Variants in MELTF observed in about 807,000 individuals in gnomAD.
MELTF encodes the protein antigen p97 (melanoma associated) identified by monoclonal antibodies 133.2 and 96.5.
A neutral mutation model predicts 83.7 loss-of-function variants in MELTF; 67 were observed. That is an observed-to-expected ratio of 0.80 (90% confidence interval 0.66 to 0.98). The LOEUF (loss-of-function observed/expected upper bound fraction) is 0.98. Among genes scored for constraint, MELTF ranks in the 50% least tolerant of loss-of-function variants. MELTF has a pLI of 0.00. For synonymous variants in MELTF, 462 were observed against 447.6 expected (o/e 1.03, Z -0.41); for missense variants, 1,002 against 1,035.6 (o/e 0.97, Z 0.44).
rs1179035053 is a variant in MELTF, at chr3:197,003,801, C to T, written c.2137+100G>A. ...CTGGACTGCTGCGAACGGGCCTCCA[C>T]CCGCCTCCCCGGACCCGCAGCGCCC... On this transcript the variant is annotated intron_variant, in intron 15 of 15. Coordinates refer to ENST00000296350, the MANE Select transcript of MELTF (RefSeq NM_005929.6). The surrounding 1 kb of genome is among the most constrained non-coding windows in gnomAD (Gnocchi z 6.2). 9.0e-6 allele frequency: 12 copies of T among 1,331,416 alleles called. No homozygotes were observed. Among genetic ancestry groups the T allele is most frequent in the Non-Finnish European group, 1.2e-5 (12 of 968,828 alleles). 82.5% of individuals were successfully genotyped at this position (1,331,416 alleles called of 1,614,324 possible).
chr3:197,029,526 C>T lies in MELTF; in HGVS notation c.49+128G>A, dbSNP rs1720000752. On this transcript the variant is annotated intron_variant, in intron 1 of 15. Coordinates refer to ENST00000296350, the MANE Select transcript of MELTF (RefSeq NM_005929.6). This position sits in a 1 kb window ranked among gnomAD's most constrained non-coding sequence, Gnocchi z 6.5. ...CGCCGTCCTCACTCGACCCCGAGCC[C>T]CTGCCTCCCCCGTCTCACTGCCCCG... 7.1e-6 allele frequency: 5 copies of T among 701,086 alleles called. No individual in the cohort carries two copies. In the South Asian group the frequency reaches 2.9e-4, roughly 41 times the overall value. 43.4% of individuals were successfully genotyped at this position (701,086 alleles called of 1,614,324 possible).
Position 197,011,630 on chromosome 3 carries a change from G to T in MELTF, c.1234-836C>A, listed in dbSNP as rs75106360. ...GGGCCAGGAGGGTGCACAGCTCGGG[G>T]CCCTTTTTCCACCACTCAGACCTCC... On this transcript the variant is annotated intron_variant, in intron 9 of 15. Transcript: ENST00000296350. This position sits in a 1 kb window ranked among gnomAD's most constrained non-coding sequence, Gnocchi z 4.2. Among the ~76,000 whole-genome samples the T allele has an allele frequency of 0.032, 4,905 of 152,204 alleles. 149 individuals carry two copies. The highest frequency in any genetic ancestry group is 0.073 in the African/African-American group (3,019 of 41,514).
chr3:197,019,480 G>GTCA lies in MELTF; in HGVS notation c.712+1921_712+1923dup, dbSNP rs765293666. 103 of 1,472,948 alleles carry GTCA rather than the reference G, an allele frequency of 7.0e-5. 1 individual carries two copies. In the South Asian group the frequency reaches 1.1e-3, roughly 16 times the overall value. The allele number at this position is 1,472,948 out of a possible 1,614,324, so 91.2% of individuals were successfully genotyped here. On this transcript the variant is annotated intron_variant, in intron 6 of 15. Transcript: ENST00000296350. The stretch of plus-strand genomic sequence containing the variant: ...TGAAAAAGCTGCCAGGTGCACGCCT[G>GTCA]TCATCCCAGCTACTCAGGAGGCTGA...
In MELTF at chr3:197,024,331, G is replaced by A. The variant is rs75604388; in HGVS notation, c.459C>T (p.Leu153=). ...PVGYLVESGR[L]SVMGCDVLKA... ...TGAGTACATCGCAGCCCATCACCGAGAGGCGGCCGCTCTCCACCAGGTAGC... is the reference window on the plus strand; with the variant it reads ...TGAGTACATCGCAGCCCATCACCGAAAGGCGGCCGCTCTCCACCAGGTAGC... Residue 153 remains leucine (L), a synonymous_variant, in exon 4 of 16, where the codon CTC becomes CTT. Coordinates refer to ENST00000296350, the MANE Select transcript of MELTF (RefSeq NM_005929.6). This position sits in a 1 kb window ranked among gnomAD's most constrained non-coding sequence, Gnocchi z 5.3. The A allele has an allele frequency of 3.8e-4, 597 of 1,587,036 alleles. 2 individuals carry two copies. The highest frequency in any genetic ancestry group is 4.7e-4 in the Non-Finnish European group (548 of 1,162,758).
chr3:197,015,375 T>A lies in MELTF; in HGVS notation c.1223A>T (p.Glu408Val). ...VSAKSPQHCM[E>V]RIQAEQVDAV... ...CTGCGTGACTCCCACCTGGATCCGC[T>A]CCATGCAGTGTTGGGGGGACTTGGC... Residue 408 changes from glutamate to valine, a missense_variant, in exon 9 of 16, where the codon GAG becomes GTG. Glu to Val is a moderately radical substitution (Grantham distance 121). Coordinates refer to ENST00000296350, the MANE Select transcript of MELTF (RefSeq NM_005929.6). 2 of 1,565,572 alleles carry A rather than the reference T, an allele frequency of 1.3e-6. No homozygotes were observed. Among genetic ancestry groups the A allele is most frequent in the African/African-American group, 2.7e-5 (2 of 73,710 alleles).
intron 2 of MELTF, 48 bp from the exon 3 acceptor site, chr3:197,026,807 A>G (rs1208173116): frequency 1.3e-6 from 2 of 1,566,038 alleles, no homozygotes; most frequent in Non-Finnish European, 1.7e-6. Flanking sequence ...TGGCCTGCTC[A>G]GCAAAGAACT....
chr3:197,024,568 G>T lies in MELTF; in HGVS notation c.305-83C>A. On this transcript the variant is annotated intron_variant, in intron 3 of 15. Coordinates refer to ENST00000296350, the MANE Select transcript of MELTF (RefSeq NM_005929.6). This position sits in a 1 kb window ranked among gnomAD's most constrained non-coding sequence, Gnocchi z 5.3. ...CCAGCACCCTGCCTGGGCGGGCTGTGGGAGAGGTGTGTGCACGGAGCACGG... is the reference window on the plus strand; with the variant it reads ...CCAGCACCCTGCCTGGGCGGGCTGTTGGAGAGGTGTGTGCACGGAGCACGG... The T allele has an allele frequency of 7.7e-7, 1 of 1,303,432 alleles. No individual in the cohort carries two copies. The highest frequency in any genetic ancestry group is 1.1e-6 in the Non-Finnish European group (1 of 945,054). The allele number at this position is 1,303,432 out of a possible 1,614,324, so 80.7% of individuals were successfully genotyped here. A position where few individuals can be genotyped will look rare whatever the true frequency, so the allele number is the denominator to read the frequency against.
In MELTF at chr3:197,024,236, G is replaced by C. The variant is rs1719753850; in HGVS notation, c.487+67C>G. ...CCGGAGGGAGGCTACCCAGTGAAGG[G>C]ACGAGCATGGGCCAAGGAAAGGAGG... On this transcript the variant is annotated intron_variant, in intron 4 of 15. Coordinates refer to ENST00000296350, the MANE Select transcript of MELTF (RefSeq NM_005929.6). The surrounding 1 kb of genome is among the most constrained non-coding windows in gnomAD (Gnocchi z 5.3). The C allele has an allele frequency of 6.8e-7, 1 of 1,478,818 alleles. No individual in the cohort carries two copies. Among genetic ancestry groups the C allele is most frequent in the African/African-American group, 1.4e-5 (1 of 70,918 alleles). The allele number at this position is 1,478,818 out of a possible 1,614,324, so 91.6% of individuals were successfully genotyped here.
chr3:197,012,377 T>C (rs946734494), intron 9 of MELTF, among the ~76,000 whole-genome samples: 1 of 152,190 alleles, frequency 6.6e-6, no homozygotes, highest in African/African-American at 2.4e-5. Context: ...GTTGTGAGGG[T>C]TACACGAGAT....
At chr3:197,005,178 A>G (rs1449091990) in intron 14 of MELTF, among the ~76,000 whole-genome samples, 1 of 152,166 alleles carries the variant, frequency 6.6e-6, no homozygotes, top group Non-Finnish European at 1.5e-5. Context: ...TTTAAATTCT[A>G]GGTATATTTT....
In MELTF at chr3:197,016,235, G is replaced by GC; in HGVS notation, c.1034dup (p.His346ProfsTer2). The GC allele has an allele frequency of 6.2e-7, 1 of 1,602,244 alleles. No individual in the cohort carries two copies. The highest frequency in any genetic ancestry group is 8.5e-7 in the Non-Finnish European group (1 of 1,174,414). ...CCTTCATGGCGTGCAGGTACTCATG[G>GC]CCCAGCCACGCCTCATAGGTCTGTG... On this transcript the variant is annotated frameshift_variant, in exon 8 of 16. Coordinates refer to ENST00000296350, the MANE Select transcript of MELTF (RefSeq NM_005929.6). LOFTEE classifies it high-confidence loss of function.
intron 6 of MELTF, chr3:197,019,644 T>C (rs1169658171): frequency 1.2e-5 from 20 of 1,611,892 alleles, no homozygotes; most frequent in Non-Finnish European, 1.6e-5. Flanking sequence ...GTTTTCCAAA[T>C]TCTCCTTTGT....
intron 6 of MELTF, chr3:197,019,845 G>A (rs1337382085): frequency 6.6e-7 from 1 of 1,518,262 alleles, no homozygotes; most frequent in Non-Finnish European, 8.9e-7. Context: ...GAATGACAAT[G>A]ATTTAAAAAA....
intron 6 of MELTF, among the ~76,000 whole-genome samples, chr3:197,018,532 C>T (rs749386362): frequency 1.3e-5 from 2 of 152,024 alleles, no homozygotes; most frequent in Non-Finnish European, 1.5e-5. Flanking sequence ...CTGCAACCTC[C>T]GCCTCCCAGG....
intron 14 of MELTF, 58 bp from the exon 15 acceptor site, chr3:197,004,157 C>T: frequency 6.5e-7 from 1 of 1,530,484 alleles, no homozygotes. Flanking sequence ...GGGTCACCCG[C>T]CCAGTGCCGC....
rs1719910241 is a variant in MELTF at position 197,027,636 on chromosome 3, A to AT, written c.204+119dup. 3 of 1,274,190 alleles carry AT rather than the reference A, an allele frequency of 2.4e-6. No individual in the cohort carries two copies. In the South Asian group the frequency reaches 4.7e-5, roughly 20 times the overall value. 78.9% of individuals were successfully genotyped at this position (1,274,190 alleles called of 1,614,324 possible). A position where few individuals can be genotyped will look rare whatever the true frequency, so the allele number is the denominator to read the frequency against. Reference sequence around the variant, plus strand: ...CCTCGTGGCCAGGGAGACTCGGGAGATCCTATCGGCCGGGCCTGGCAGGGC... The same window carrying AT: ...CCTCGTGGCCAGGGAGACTCGGGAGATTCCTATCGGCCGGGCCTGGCAGGGC... On this transcript the variant is annotated intron_variant, in intron 2 of 15. Transcript: ENST00000296350.
intron 2 of MELTF, 109 bp downstream of exon 2, chr3:197,027,647 C>T (rs369399457): frequency 2.5e-5 from 33 of 1,344,786 alleles, no homozygotes; most frequent in Non-Finnish European, 3.1e-5. Context: ...TCCTATCGGC[C>T]GGGCCTGGCA....
Position 197,023,847 on chromosome 3 carries a change from G to A in MELTF, c.487+456C>T, listed in dbSNP as rs528877414. The A allele has an allele frequency of 2.4e-5, 11 of 457,410 alleles. No homozygotes were observed. The East Asian group carries it at 2.8e-4, about 12-fold the overall frequency. 28.3% of individuals were successfully genotyped at this position (457,410 alleles called of 1,614,324 possible). A position where few individuals can be genotyped will look rare whatever the true frequency, so the allele number is the denominator to read the frequency against. Reference sequence around the variant, plus strand: ...CTTCCAGGCTCTCGCGGGTTTACACGGCTGGTTGGGCTGATGAGCCACTTG... The same window carrying A: ...CTTCCAGGCTCTCGCGGGTTTACACAGCTGGTTGGGCTGATGAGCCACTTG... On this transcript the variant is annotated intron_variant, in intron 4 of 15. Transcript: ENST00000296350.
chr3:197,021,416 C>G lies in MELTF; in HGVS notation c.700G>C (p.Glu234Gln). 5 of 1,614,120 alleles carry G rather than the reference C, an allele frequency of 3.1e-6. No individual in the cohort carries two copies. Among genetic ancestry groups the G allele is most frequent in the Non-Finnish European group, 4.2e-6 (5 of 1,180,012 alleles). The change falls in exon 6 of 16, where the codon GAG (glutamate) becomes CAG (glutamine). Residue 234 changes from glutamate to glutamine, a missense_variant. By Grantham distance (29) the Glu-to-Gln change is conservative (BLOSUM62 2). Coordinates refer to ENST00000296350, the MANE Select transcript of MELTF (RefSeq NM_005929.6). ...VAFVKHSTVLENTDGKTLPSW... is the reference protein window; with the variant it reads ...VAFVKHSTVLQNTDGKTLPSW... ...CTCCCCCACTCACCATCCGTGTTCT[C>G]CAGTACCGTGCTGTGCTTCACAAAA... is the stretch of plus-strand genomic sequence containing the variant.
Sources: allele counts gnomAD v4.1 joint callset (sites outside exome capture counted in the v4.1 genomes callset), GRCh38; gene constraint gnomAD v4.1.1; non-coding constraint Gnocchi (gnomAD v3.1); transcripts MANE v1.5; gene names NCBI Gene and HGNC (gene_info 2026-07-23, HGNC 2026-07-21).